The following CDH12 variants were observed in gnomAD, a reference collection of about 807,000 sequenced individuals.
CDH12 encodes cadherin-12.
CDH12 carries 41 observed loss-of-function variants against 74.1 expected under a neutral mutation model. The ratio of observed to expected loss-of-function variants is 0.55; its 90% confidence interval spans 0.43 to 0.72. The LOEUF (loss-of-function observed/expected upper bound fraction) is 0.72. CDH12 is among the 30% of genes least tolerant of loss of function. The pLI, the probability that CDH12 is intolerant of heterozygous loss-of-function variation, is 0.00. For missense variants in CDH12, 945 were observed against 977.2 expected (o/e 0.97, Z 0.44); for synonymous variants, 399 against 355.0 (o/e 1.12, Z -1.39).
At chr5:22,341,739 A>C (rs1269102221) in intron 3 of CDH12, among the ~76,000 whole-genome samples, 2 of 152,140 alleles carry the variant, frequency 1.3e-5, no homozygotes, top group African/African-American at 2.4e-5. Context: ...ATTTTGTATA[A>C]GATCATTTCA....
intron 4 of CDH12, among the ~76,000 whole-genome samples, chr5:22,095,916 C>G (rs1274109501): frequency 6.6e-6 from 1 of 151,842 alleles, no homozygotes; most frequent in African/African-American, 2.4e-5. Flanking sequence ...CGTGCCCCAA[C>G]CTCTTATCTC....
chr5:22,769,707 C>T (rs1425384063), intron 1 of CDH12, among the ~76,000 whole-genome samples: 1 of 152,034 alleles, frequency 6.6e-6, no homozygotes, highest in Non-Finnish European at 1.5e-5. Flanking sequence ...TTCTTACACC[C>T]ATCCCTGCAA....
chr5:22,853,020 A>G (rs1186055880), intron 1 of CDH12, 38 bp downstream of exon 1: 6 of 152,296 alleles, frequency 3.9e-5, no homozygotes, highest in Non-Finnish European at 8.8e-5. Context: ...GCGATCACAC[A>G]CACGCGGTGC....
chr5:22,704,285 G>A (rs751626644), intron 1 of CDH12, among the ~76,000 whole-genome samples: 1 of 152,018 alleles, frequency 6.6e-6, no homozygotes, highest in Non-Finnish European at 1.5e-5. Flanking sequence ...AGAGCAGTGG[G>A]GACAGTGATG....
At chr5:22,274,971 T>G (rs1429316392) in intron 3 of CDH12, among the ~76,000 whole-genome samples, 1 of 152,152 alleles carries the variant, frequency 6.6e-6, no homozygotes, top group Non-Finnish European at 1.5e-5. Context: ...AGTTCCAATA[T>G]GAAGGAATAC....
At position 21,786,151 on chromosome 5, in the gene CDH12, G is replaced by A. The variant is rs150714139; in HGVS notation, c.1257-2657C>T. ...ATGACAGCACATCTGCTCACAGCAT[G>A]GTTTATTAATTTCTTTTTTAAAGAC... On this transcript the variant is annotated intron_variant, in intron 10 of 14. Coordinates refer to ENST00000382254, the MANE Select transcript of CDH12 (RefSeq NM_004061.5). Among the ~76,000 whole-genome samples, 416 of 152,082 alleles carry A rather than the reference G, an allele frequency of 2.7e-3. 1 individual carries two copies. The highest frequency in any genetic ancestry group is 9.7e-3 in the African/African-American group (403 of 41,504).
chr5:22,240,777 G>A (rs546167157), intron 3 of CDH12, among the ~76,000 whole-genome samples: 8 of 152,130 alleles, frequency 5.3e-5, no homozygotes, highest in Non-Finnish European at 1.2e-4. Flanking sequence ...CAGGTGATCC[G>A]CCCTCCTCAG....
In CDH12 at chr5:22,042,890, A is replaced by AAAAG. The variant is rs1491272592; in HGVS notation, c.231+35555_231+35556insCTTT. 9.2e-4 allele frequency among the ~76,000 whole-genome samples: 91 copies of AAAAG among 99,450 alleles called. 3 individuals carry two copies. The highest frequency in any genetic ancestry group is 1.6e-3 in the African/African-American group (21 of 13,114). The allele number at this position is 99,450 out of a possible 152,430, so 65.2% of individuals were successfully genotyped here. On this transcript the variant is annotated intron_variant, in intron 5 of 14. Transcript: ENST00000382254. ...AGGTGACAGAGTGAGATTCTATCTC[A>AAAAG]AAAAAAAAAAAAAAAAAAAAAATTC...
At chr5:22,303,454 T>C (rs1312171609) in intron 3 of CDH12, among the ~76,000 whole-genome samples, 2 of 152,076 alleles carry the variant, frequency 1.3e-5, no homozygotes, top group African/African-American at 2.4e-5. Flanking sequence ...AAAATTATAA[T>C]ACACAAGCTG....
intron 3 of CDH12, among the ~76,000 whole-genome samples, chr5:22,361,149 T>G (rs540262309): frequency 1.3e-5 from 2 of 152,342 alleles, no homozygotes; most frequent in African/African-American, 4.8e-5. Context: ...TGTCCCTATT[T>G]GCAGATGACA....
intron 1 of CDH12, among the ~76,000 whole-genome samples, chr5:22,738,358 A>C (rs186233352): frequency 6.6e-6 from 1 of 152,122 alleles, no homozygotes; most frequent in East Asian, 1.9e-4. Flanking sequence ...ATTTCAGGGA[A>C]AAGGTATTAT....
intron 3 of CDH12, among the ~76,000 whole-genome samples, chr5:22,357,119 A>T (rs999671349): frequency 2.6e-5 from 4 of 152,118 alleles, no homozygotes; most frequent in African/African-American, 9.7e-5. Context: ...TCTGCCACTA[A>T]AAAGGAGAGA....
At chr5:21,958,102 C>T (rs1756182587) in intron 6 of CDH12, among the ~76,000 whole-genome samples, 2 of 152,254 alleles carry the variant, frequency 1.3e-5, no homozygotes, top group African/African-American at 2.4e-5. Flanking sequence ...ATGAGGGGCT[C>T]TTCCCAGCTT....
In CDH12 at chr5:22,208,883, T is replaced by A. The variant is rs571311735; in HGVS notation, c.-187+3615A>T. ...AGTAATACAGGAGGTAATGTGTACA[T>A]ATACTTTGTGTTTTCTGTTATTCTT... On this transcript the variant is annotated intron_variant, in intron 4 of 14. Transcript: ENST00000382254. Among the ~76,000 whole-genome samples the A allele has an allele frequency of 2.0e-4, 31 of 152,360 alleles. No homozygotes were observed. In the East Asian group the frequency reaches 2.5e-3, roughly 12 times the overall value.
chr5:22,842,554 T>C (rs767459266), intron 1 of CDH12, among the ~76,000 whole-genome samples: 11 of 152,082 alleles, frequency 7.2e-5, no homozygotes, highest in Admixed American at 2.0e-4. Context: ...ACCAAAGATT[T>C]ATTGGTGTTG....
intron 1 of CDH12, among the ~76,000 whole-genome samples, chr5:22,642,509 A>T (rs1341380311): frequency 6.6e-6 from 1 of 152,216 alleles, no homozygotes; most frequent in Non-Finnish European, 1.5e-5. Context: ...AAAGAAAGGT[A>T]GCTGGGCCAT....
At chr5:22,055,174 C>T (rs1561062794) in intron 5 of CDH12, among the ~76,000 whole-genome samples, 1 of 152,094 alleles carries the variant, frequency 6.6e-6, no homozygotes, top group South Asian at 2.1e-4. Context: ...ATCAGTTGGT[C>T]CTTGCACAAT....
chr5:21,991,610 A>T (rs567236208), intron 5 of CDH12, among the ~76,000 whole-genome samples: 2 of 150,456 alleles, frequency 1.3e-5, no homozygotes, highest in Admixed American at 6.6e-5. Context: ...TCATAAGAAC[A>T]CAATCTGAAA....
At chr5:21,808,242 C>T (rs548313580) in intron 9 of CDH12, among the ~76,000 whole-genome samples, 4 of 152,144 alleles carry the variant, frequency 2.6e-5, no homozygotes, top group South Asian at 4.2e-4. Flanking sequence ...GCCCCAATCA[C>T]GCCTTGATTT....
Sources: allele counts gnomAD v4.1 joint callset (sites outside exome capture counted in the v4.1 genomes callset), GRCh38; gene constraint gnomAD v4.1.1; transcripts MANE v1.5; gene names NCBI Gene and HGNC (gene_info 2026-07-23, HGNC 2026-07-21).